The following UPK2 variants were observed in gnomAD, a reference collection of about 807,000 sequenced individuals.
UPK2 encodes uroplakin 2.
In UPK2, 19 loss-of-function variants were observed where a neutral mutation model predicts 14.8. That is an observed-to-expected ratio of 1.29 (90% CI 0.90 to 1.89). UPK2 has a LOEUF of 1.89. Among genes scored for constraint, UPK2 ranks in the 40% most tolerant of loss-of-function variants. UPK2 has a pLI of 0.00. For missense variants in UPK2, 232 were observed against 236.0 expected (o/e 0.98, Z 0.11); for synonymous variants, 102 against 101.6 (o/e 1.00, Z -0.02).
rs865783519 is a variant in UPK2, at chr11:118,957,297, C to T, written c.298C>T (p.Arg100Trp). 6.2e-6 allele frequency: 10 copies of T among 1,613,998 alleles called. No homozygotes were observed. The highest frequency in any genetic ancestry group is 4.0e-5 in the African/African-American group (3 of 74,882). The change falls in exon 3 of 5, where the codon CGG becomes TGG. Residue 100 changes from arginine to tryptophan, a missense_variant. Transcript: ENST00000264031. ...CAGTGGTGCTGGCTTCACAGTCACT[C>T]GGCTCAGTGCATACCAGGTGACAAA... ...VDSGAGFTVT[R>W]LSAYQVTNLV... is the part of the protein sequence containing the mutation.
rs1941564113 is a variant in UPK2, at chr11:118,956,544, C to T, written c.76+118C>T. 1.1e-6 allele frequency: 1 copy of T among 874,052 alleles called. No homozygotes were observed. The highest frequency in any genetic ancestry group is 1.8e-6 in the Non-Finnish European group (1 of 554,780). The allele number at this position is 874,052 out of a possible 1,614,324, so 54.1% of individuals were successfully genotyped here. ...AGTTGGGAGTCAGGGCTGGTGATGG[C>T]AGTGACTGGGTATCAGACACTGGGC... is the stretch of plus-strand genomic sequence containing the variant. On this transcript the variant is annotated intron_variant, in intron 1 of 4. Coordinates refer to ENST00000264031, the MANE Select transcript of UPK2 (RefSeq NM_006760.4). The surrounding 1 kb of genome is among the most constrained non-coding windows in gnomAD (Gnocchi z 4.1).
Position 118,957,241 on chromosome 11 carries a change from G to C in UPK2, c.242G>C (p.Arg81Pro). 6.2e-7 allele frequency: 1 copy of C among 1,614,138 alleles called. No individual in the cohort carries two copies. The highest frequency in any genetic ancestry group is 8.5e-7 in the Non-Finnish European group (1 of 1,180,044). Residue 81 changes from arginine (R) to proline (P), a missense_variant, in exon 3 of 5, where the codon CGT (arginine) becomes CCT (proline). By Grantham distance (103) the Arg-to-Pro change is moderately radical. Coordinates refer to ENST00000264031, the MANE Select transcript of UPK2 (RefSeq NM_006760.4). ...TCCAGCTTTGTGGTGCCTCCGTGCC[G>C]TGGGCGCAGGGAACTGGTGAGTGTG... ...VTSSFVVPPC[R>P]GRRELVSVVD...
chr11:118,956,504 A>T lies in UPK2; in HGVS notation c.76+78A>T. On this transcript the variant is annotated intron_variant, in intron 1 of 4. Coordinates refer to ENST00000264031, the MANE Select transcript of UPK2 (RefSeq NM_006760.4). This position sits in a 1 kb window ranked among gnomAD's most constrained non-coding sequence, Gnocchi z 4.1. The stretch of plus-strand genomic sequence containing the variant: ...AGCACTGTACCTTCCAGGGCTCTCA[A>T]AGAGAGGTCTGGACAGTTGGGAGTC... 1 of 1,298,930 alleles carries T rather than the reference A, an allele frequency of 7.7e-7. No homozygotes were observed. Among genetic ancestry groups the T allele is most frequent in the Non-Finnish European group, 1.1e-6 (1 of 924,824 alleles). 80.5% of individuals were successfully genotyped at this position (1,298,930 alleles called of 1,614,324 possible).
chr11:118,956,395 T>C lies in UPK2; in HGVS notation c.45T>C (p.Ile15=), dbSNP rs767308707. The C allele has an allele frequency of 1.8e-5, 29 of 1,610,336 alleles. No individual in the cohort carries two copies. The highest frequency in any genetic ancestry group is 2.5e-5 in the Non-Finnish European group (29 of 1,179,976). The change falls in exon 1 of 5, where the codon ATT becomes ATC. Residue 15 remains isoleucine, a synonymous_variant. Transcript: ENST00000264031. The surrounding 1 kb of genome is among the most constrained non-coding windows in gnomAD (Gnocchi z 4.1). ...LPIRTLPLIL[I]LLALLSPGAA... ...TCCGGACCTTGCCCTTGATCCTGAT[T>C]CTGCTGGCTCTGCTGTCCCCAGGGG...
In UPK2 at chr11:118,956,770, G is replaced by A. The variant is rs753785549; in HGVS notation, c.77-113G>A. 6.9e-7 allele frequency: 1 copy of A among 1,439,450 alleles called. No individual in the cohort carries two copies. The highest frequency in any genetic ancestry group is 9.5e-7 in the Non-Finnish European group (1 of 1,052,416). The allele number at this position is 1,439,450 out of a possible 1,614,324, so 89.2% of individuals were successfully genotyped here. ...TGGTCATACTGGCACAGGCCTGGCTGTTCTGCCCAGGGTTCACAGAGTGGA... is the reference window on the plus strand; with the variant it reads ...TGGTCATACTGGCACAGGCCTGGCTATTCTGCCCAGGGTTCACAGAGTGGA... On this transcript the variant is annotated intron_variant, in intron 1 of 4. Coordinates refer to ENST00000264031, the MANE Select transcript of UPK2 (RefSeq NM_006760.4). The surrounding 1 kb of genome is among the most constrained non-coding windows in gnomAD (Gnocchi z 4.1).
chr11:118,957,762 C>A, intron 4 of UPK2, 94 bp downstream of exon 4: 2 of 1,491,152 alleles, frequency 1.3e-6, no homozygotes, highest in Non-Finnish European at 9.3e-7. Context: ...TTGCCTGTGC[C>A]TCCCCGTGCG....
In UPK2 at chr11:118,956,752, A is replaced by T; in HGVS notation, c.77-131A>T. 1 of 1,280,952 alleles carries T rather than the reference A, an allele frequency of 7.8e-7. No individual in the cohort carries two copies. The highest frequency in any genetic ancestry group is 1.1e-6 in the Non-Finnish European group (1 of 929,656). 79.3% of individuals were successfully genotyped at this position (1,280,952 alleles called of 1,614,324 possible). On this transcript the variant is annotated intron_variant, in intron 1 of 4. Transcript: ENST00000264031. The surrounding 1 kb of genome is among the most constrained non-coding windows in gnomAD (Gnocchi z 4.1). Reference sequence around the variant, plus strand: ...CCCAAGCCTGCCACCTGGTGGTCATACTGGCACAGGCCTGGCTGTTCTGCC... The same window carrying T: ...CCCAAGCCTGCCACCTGGTGGTCATTCTGGCACAGGCCTGGCTGTTCTGCC...
chr11:118,956,462 T>TGGGGGGGGATGGGGGGG lies in UPK2; in HGVS notation c.76+41_76+42insGGGATGGGGGGGGGGGG. On this transcript the variant is annotated intron_variant, in intron 1 of 4. Transcript: ENST00000264031. This position sits in a 1 kb window ranked among gnomAD's most constrained non-coding sequence, Gnocchi z 4.1. ...TCTCTGGCAGGGGTGGGAAGGGGGC[T>TGGGGGGGGATGGGGGGG]GGGGGCCTGGACAGGGAGCACTGTA... 1 of 1,341,676 alleles carries TGGGGGGGGATGGGGGGG rather than the reference T, an allele frequency of 7.5e-7. No individual in the cohort carries two copies. Among genetic ancestry groups the TGGGGGGGGATGGGGGGG allele is most frequent in the Non-Finnish European group, 1.1e-6 (1 of 946,322 alleles). 83.1% of individuals were successfully genotyped at this position (1,341,676 alleles called of 1,614,324 possible).
chr11:118,958,417 T>A lies in UPK2; in HGVS notation c.*184T>A. On this transcript the variant is annotated 3_prime_UTR_variant, in exon 5 of 5. Transcript: ENST00000264031. The surrounding 1 kb of genome is among the most constrained non-coding windows in gnomAD (Gnocchi z 4.6). ...TCTCCTTGCCCCCAGTGCCTCACCT[T>A]CCAACACTCCATTATTCCTCTCACC... 1.6e-6 allele frequency: 1 copy of A among 624,460 alleles called. No homozygotes were observed. 38.7% of individuals were successfully genotyped at this position (624,460 alleles called of 1,614,324 possible). A position where few individuals can be genotyped will look rare whatever the true frequency, so the allele number is the denominator to read the frequency against.
At position 118,958,453 on chromosome 11, in the gene UPK2, CAG is replaced by C; in HGVS notation, c.*223_*224del. 3.8e-6 allele frequency: 2 copies of C among 525,696 alleles called. No homozygotes were observed. Among genetic ancestry groups the C allele is most frequent in the East Asian group, 5.9e-5 (2 of 34,098 alleles). 32.6% of individuals were successfully genotyped at this position (525,696 alleles called of 1,614,324 possible). ...ATTATTCCTCTCACCCCACTCCTGT[CAG>C]AGTTGACTTTCCTCCCATTTTACCA... On this transcript the variant is annotated 3_prime_UTR_variant, in exon 5 of 5. Coordinates refer to ENST00000264031, the MANE Select transcript of UPK2 (RefSeq NM_006760.4). This position sits in a 1 kb window ranked among gnomAD's most constrained non-coding sequence, Gnocchi z 4.6.
Position 118,956,345 on chromosome 11 carries a change from C to A in UPK2, c.-6C>A. The A allele has an allele frequency of 6.2e-7, 1 of 1,611,262 alleles. No individual in the cohort carries two copies. The highest frequency in any genetic ancestry group is 8.5e-7 in the Non-Finnish European group (1 of 1,179,824). ...TGCCAGCACCTATTCCACCTCCCAG[C>A]CCAGCATGGCACCCCTGCTGCCCAT... On this transcript the variant is annotated 5_prime_UTR_variant, in exon 1 of 5. Coordinates refer to ENST00000264031, the MANE Select transcript of UPK2 (RefSeq NM_006760.4). This position sits in a 1 kb window ranked among gnomAD's most constrained non-coding sequence, Gnocchi z 4.1.
Position 118,956,494 on chromosome 11 carries a change from A to T in UPK2, c.76+68A>T. On this transcript the variant is annotated intron_variant, in intron 1 of 4. Transcript: ENST00000264031. The surrounding 1 kb of genome is among the most constrained non-coding windows in gnomAD (Gnocchi z 4.1). Reference sequence around the variant, plus strand: ...CTGGACAGGGAGCACTGTACCTTCCAGGGCTCTCAAAGAGAGGTCTGGACA... The same window carrying T: ...CTGGACAGGGAGCACTGTACCTTCCTGGGCTCTCAAAGAGAGGTCTGGACA... The T allele has an allele frequency of 1.4e-6, 2 of 1,392,924 alleles. No homozygotes were observed. The highest frequency in any genetic ancestry group is 9.9e-7 in the Non-Finnish European group (1 of 1,007,070). 86.3% of individuals were successfully genotyped at this position (1,392,924 alleles called of 1,614,324 possible). A position where few individuals can be genotyped will look rare whatever the true frequency, so the allele number is the denominator to read the frequency against.
chr11:118,958,158 G>T lies in UPK2; in HGVS notation c.480G>T (p.Thr160=), dbSNP rs139696731. 1 of 1,613,918 alleles carries T rather than the reference G, an allele frequency of 6.2e-7. No individual in the cohort carries two copies. The highest frequency in any genetic ancestry group is 8.5e-7 in the Non-Finnish European group (1 of 1,179,980). The change falls in exon 5 of 5, where the codon ACG becomes ACT. Residue 160 remains threonine, a synonymous_variant. Coordinates refer to ENST00000264031, the MANE Select transcript of UPK2 (RefSeq NM_006760.4). This position sits in a 1 kb window ranked among gnomAD's most constrained non-coding sequence, Gnocchi z 4.6. ...MARTGGMVVI[T]VLLSVAMFLL... is the part of the protein sequence containing the mutation. ...GCACAGGGGGCATGGTGGTCATCAC[G>T]GTGCTGCTCTCTGTCGCCATGTTCC...
In UPK2 at chr11:118,956,891, A is replaced by T. The variant is rs1366460782; in HGVS notation, c.85A>T (p.Ile29Phe). The change falls in exon 2 of 5, where the codon ATC (isoleucine) becomes TTC (phenylalanine). Residue 29 changes from isoleucine (I) to phenylalanine (F), a missense_variant. Physicochemically the swap from Ile to Phe is conservative, Grantham distance 21 (BLOSUM62 0). Coordinates refer to ENST00000264031, the MANE Select transcript of UPK2 (RefSeq NM_006760.4). This position sits in a 1 kb window ranked among gnomAD's most constrained non-coding sequence, Gnocchi z 4.1. ...CTCCTGCCTCCCATCAGACTTCAAC[A>T]TCTCAAGCCTCTCTGGTCTGCTGTC... ...LLSPGAADFN[I>F]SSLSGLLSPA... is the part of the protein sequence containing the mutation. The T allele has an allele frequency of 2.6e-5, 42 of 1,613,854 alleles. No individual in the cohort carries two copies. The highest frequency in any genetic ancestry group is 3.4e-5 in the Non-Finnish European group (40 of 1,179,956).
chr11:118,957,553 C>A, intron 3 of UPK2, 45 bp from the exon 4 acceptor site: 1 of 1,609,392 alleles, frequency 6.2e-7, no homozygotes, highest in Non-Finnish European at 8.5e-7. Flanking sequence ...CCTGTAAGTC[C>A]CAATACTCAC....
rs372905994 is a variant in UPK2 at position 118,958,066 on chromosome 11, G to A, written c.419-31G>A. On this transcript the variant is annotated intron_variant, in intron 4 of 4. Transcript: ENST00000264031. This position sits in a 1 kb window ranked among gnomAD's most constrained non-coding sequence, Gnocchi z 4.6. ...CTCAGGCAGGCTGGGGGTCTCTCCC[G>A]CCCACAGTGGTCTCCCCTCTCTTTT... 21 of 1,593,606 alleles carry A rather than the reference G, an allele frequency of 1.3e-5. No individual in the cohort carries two copies. Among genetic ancestry groups the A allele is most frequent in the Non-Finnish European group, 1.6e-5 (19 of 1,166,390 alleles).
chr11:118,957,056 A>T, intron 2 of UPK2, 42 bp downstream of exon 2: 1 of 1,610,244 alleles, frequency 6.2e-7, no homozygotes, highest in Non-Finnish European at 8.5e-7. Context: ...GTCCCCAAAG[A>T]CCCCTTCCTG....
In UPK2 at chr11:118,958,232, A is replaced by G. The variant is rs623500; in HGVS notation, c.554A>G (p.Ter185=). The part of the protein sequence containing the change: ...IIALALGSRK[*] ...GCCCTGGCACTGGGCTCCCGCAAGT[A>G]AGGAGGTCTGCCCGGAGCAGCAGCT... is the stretch of plus-strand genomic sequence containing the variant. The change falls in exon 5 of 5, where the codon TAA becomes TGA. Residue 185 remains the stop codon, a stop_retained_variant. Transcript: ENST00000264031. The surrounding 1 kb of genome is among the most constrained non-coding windows in gnomAD (Gnocchi z 4.6). 0.18 allele frequency: 294,619 copies of G among 1,611,848 alleles called. 30,257 individuals are homozygous for G. The highest frequency in any genetic ancestry group is 0.37 in the African/African-American group (27,656 of 74,856).
chr11:118,956,491 TC>T lies in UPK2; in HGVS notation c.76+67del. The T allele has an allele frequency of 7.1e-7, 1 of 1,399,162 alleles. No homozygotes were observed. The highest frequency in any genetic ancestry group is 9.9e-7 in the Non-Finnish European group (1 of 1,011,938). 86.7% of individuals were successfully genotyped at this position (1,399,162 alleles called of 1,614,324 possible). ...GGCCTGGACAGGGAGCACTGTACCTTCCAGGGCTCTCAAAGAGAGGTCTGGA... is the reference window on the plus strand; with the variant it reads ...GGCCTGGACAGGGAGCACTGTACCTTCAGGGCTCTCAAAGAGAGGTCTGGA... On this transcript the variant is annotated intron_variant, in intron 1 of 4. Coordinates refer to ENST00000264031, the MANE Select transcript of UPK2 (RefSeq NM_006760.4). This position sits in a 1 kb window ranked among gnomAD's most constrained non-coding sequence, Gnocchi z 4.1.
Sources: gnomAD v4.1 joint callset for allele counts on GRCh38, gnomAD v4.1.1 for gene constraint, Gnocchi (gnomAD v3.1) non-coding constraint, MANE v1.5 for transcripts, NCBI Gene and HGNC (gene_info 2026-07-23, HGNC 2026-07-21) for gene names.